Variants in ADAT1 observed in about 807,000 individuals in gnomAD.
The protein encoded by ADAT1 is tRNA-specific adenosine deaminase 1.
In ADAT1, 58 loss-of-function variants were observed where a neutral mutation model predicts 58.6. The observed-to-expected ratio is 0.99, with a 90% confidence interval of 0.80 to 1.23. ADAT1 has a LOEUF of 1.23. Ranked by LOEUF, ADAT1 falls within the 50% of genes most tolerant of loss-of-function variation. ADAT1 has a pLI of 0.00. For missense variants in ADAT1, 741 were observed against 608.6 expected (o/e 1.22, Z -2.29); for synonymous variants, 254 against 220.8 (o/e 1.15, Z -1.33).
rs1335104721 is a variant in ADAT1 at position 75,597,350 on chromosome 16, A to AT, written c.*2865dup. 1 of 451,230 alleles carries AT rather than the reference A, an allele frequency of 2.2e-6. No individual in the cohort carries two copies. The highest frequency in any genetic ancestry group is 4.4e-6 in the Non-Finnish European group (1 of 224,808). 28.0% of individuals were successfully genotyped at this position (451,230 alleles called of 1,614,324 possible). ...GAAGACGGAGGGAGAAACTGAAGTG[A>AT]TGCAGCCACAAGCCAAGGACTGCCA... On this transcript the variant is annotated 3_prime_UTR_variant, in exon 10 of 10. Transcript: ENST00000564657.
Position 75,599,914 on chromosome 16 carries a change from G to T in ADAT1, c.*302C>A. The T allele has an allele frequency of 1.8e-6, 2 of 1,098,222 alleles. No homozygotes were observed. Among genetic ancestry groups the T allele is most frequent in the Non-Finnish European group, 2.2e-6 (2 of 901,070 alleles). 68.0% of individuals were successfully genotyped at this position (1,098,222 alleles called of 1,614,324 possible). A position where few individuals can be genotyped will look rare whatever the true frequency, so the allele number is the denominator to read the frequency against. On this transcript the variant is annotated 3_prime_UTR_variant, in exon 10 of 10. Transcript: ENST00000564657. ...TCAATGTAGGAACCCATAAAACAGA[G>T]CTGCTGCAGAGTACTTTCAAAGCAT...
At chr16:75,607,374 T>C (rs2081398780) in intron 8 of ADAT1, among the ~76,000 whole-genome samples, 1 of 151,778 alleles carries the variant, frequency 6.6e-6, no homozygotes, top group Non-Finnish European at 1.5e-5. Flanking sequence ...TGGTAGAACA[T>C]GCCTACAGTC....
intron 5 of ADAT1, among the ~76,000 whole-genome samples, chr16:75,616,356 A>G (rs985565245): frequency 1.3e-5 from 2 of 148,794 alleles, no homozygotes; most frequent in Non-Finnish European, 3.0e-5. Flanking sequence ...GTTATGATCA[A>G]ATCTACACAG....
Position 75,618,570 on chromosome 16 carries a change from G to A in ADAT1, c.293+16C>T. On this transcript the variant is annotated intron_variant, in intron 4 of 9. Transcript: ENST00000564657. Reference sequence around the variant, plus strand: ...CCCCAGTCCTGCTGAACCATACTCTGGAGATGTGGCTTTACCTTTGGAAAC... The same window carrying A: ...CCCCAGTCCTGCTGAACCATACTCTAGAGATGTGGCTTTACCTTTGGAAAC... The A allele has an allele frequency of 1.9e-6, 3 of 1,564,644 alleles. No homozygotes were observed. The highest frequency in any genetic ancestry group is 1.4e-5 in the African/African-American group (1 of 72,744).
intron 7 of ADAT1, 121 bp downstream of exon 7, chr16:75,608,722 C>T: frequency 7.9e-7 from 1 of 1,264,128 alleles, no homozygotes; most frequent in Non-Finnish European, 1.1e-6. Context: ...CTCTAAAGCC[C>T]ACACTACCGG....
chr16:75,613,742 G>T (rs1277355532), intron 5 of ADAT1, among the ~76,000 whole-genome samples: 1 of 152,176 alleles, frequency 6.6e-6, no homozygotes, highest in Admixed American at 6.5e-5. Flanking sequence ...TGAAAATAAA[G>T]AATGTCTCCA....
rs747385690 is a variant in ADAT1 at position 75,612,473 on chromosome 16, G to A, written c.813C>T (p.Ser271=). ...GGTGAAACGCAGCACCCGGCTTTCC[G>A]GAGTCTCCAGCTTCTCCAGGTACAC... ...AKCVPGEAGD[S]GKPGAAFHQV... The change falls in exon 6 of 10, where the codon TCC becomes TCT. Residue 271 remains serine, a synonymous_variant. Transcript: ENST00000564657. 2.2e-5 allele frequency: 35 copies of A among 1,614,052 alleles called. No individual in the cohort carries two copies. Among genetic ancestry groups the A allele is most frequent in the South Asian group, 1.2e-4 (11 of 91,086 alleles).
At chr16:75,619,695 GA>G in intron 3 of ADAT1, 1 of 441,674 alleles carries the variant, frequency 2.3e-6, no homozygotes, top group Non-Finnish European at 4.6e-6. Context: ...CAGATCACCT[GA>G]GGTCAGGAGT....
chr16:75,597,045 T>C lies in ADAT1; in HGVS notation c.*3171A>G, dbSNP rs868724362. The C allele has an allele frequency of 1.8e-4, 28 of 154,758 alleles. No homozygotes were observed. The highest frequency in any genetic ancestry group is 6.0e-4 in the African/African-American group (25 of 41,620). The allele number at this position is 154,758 out of a possible 1,614,324, so 9.6% of individuals were successfully genotyped here. A position where few individuals can be genotyped will look rare whatever the true frequency, so the allele number is the denominator to read the frequency against. ...TCCAAACAGACAGAAAGTAGATTACTGATTGCCCTGGGGTAGGGGGCGTTG... is the reference window on the plus strand; with the variant it reads ...TCCAAACAGACAGAAAGTAGATTACCGATTGCCCTGGGGTAGGGGGCGTTG... On this transcript the variant is annotated 3_prime_UTR_variant, in exon 10 of 10. Transcript: ENST00000564657.
chr16:75,620,365 T>G (rs1190987209), intron 2 of ADAT1, 31 bp from the exon 3 acceptor site: 4 of 1,610,968 alleles, frequency 2.5e-6, no homozygotes, highest in Admixed American at 3.3e-5. Context: ...GTGTGAGTTC[T>G]GAGAAACGGA....
intron 6 of ADAT1, among the ~76,000 whole-genome samples, chr16:75,609,857 T>A (rs904885175): frequency 1.3e-5 from 2 of 151,688 alleles, no homozygotes; most frequent in Non-Finnish European, 2.9e-5. Flanking sequence ...GCATGCACCA[T>A]CATGTCCGAC....
At chr16:75,617,368 C>G (rs972223190) in intron 4 of ADAT1, 96 bp from the exon 5 acceptor site, 10 of 1,340,740 alleles carry the variant, frequency 7.5e-6, no homozygotes, top group Non-Finnish European at 8.3e-6. Flanking sequence ...TTACTGTAGA[C>G]TAATGGGACT....
chr16:75,606,558 G>C (rs1014884114), intron 8 of ADAT1, among the ~76,000 whole-genome samples: 1 of 152,170 alleles, frequency 6.6e-6, no homozygotes, highest in Admixed American at 6.5e-5. Context: ...ATAAGGAACT[G>C]AAGCCTCCTG....
intron 9 of ADAT1, 27 bp from the exon 10 acceptor site, chr16:75,600,375 C>G (rs769261760): frequency 6.2e-7 from 1 of 1,611,326 alleles, no homozygotes; most frequent in East Asian, 2.2e-5. Context: ...ACCAAATACA[C>G]AGGTTCTCAT....
In ADAT1 at chr16:75,620,624, G is replaced by A. The variant is rs202243354; in HGVS notation, c.169+7C>T. 4 of 1,612,176 alleles carry A rather than the reference G, an allele frequency of 2.5e-6. No homozygotes were observed. In the African/African-American group the frequency reaches 4.0e-5, roughly 16 times the overall value. ...GTGAGGAGCATGCCAAGAAGAAAAAGTCTCACCTTGCACCGGCTTATCAGG... is the reference window on the plus strand; with the variant it reads ...GTGAGGAGCATGCCAAGAAGAAAAAATCTCACCTTGCACCGGCTTATCAGG... On this transcript the variant is annotated splice_region_variant and intron_variant, in intron 2 of 9. Coordinates refer to ENST00000564657, the MANE Select transcript of ADAT1 (RefSeq NM_001324445.2).
At position 75,598,167 on chromosome 16, in the gene ADAT1, C is replaced by A; in HGVS notation, c.*2049G>T. 1 of 228,580 alleles carries A rather than the reference C, an allele frequency of 4.4e-6. No homozygotes were observed. Among genetic ancestry groups the A allele is most frequent in the Non-Finnish European group, 9.2e-6 (1 of 108,640 alleles). 14.2% of individuals were successfully genotyped at this position (228,580 alleles called of 1,614,324 possible). ...TCCTGGCTCACTGCAACCTCCACCT[C>A]CTGGGTTTGAGAGATTCTTCTGCCT... On this transcript the variant is annotated 3_prime_UTR_variant, in exon 10 of 10. Transcript: ENST00000564657.
In ADAT1 at chr16:75,600,367, C is replaced by G. The variant is rs1166918509; in HGVS notation, c.1377-19G>C. 1.9e-6 allele frequency: 3 copies of G among 1,612,464 alleles called. No individual in the cohort carries two copies. The highest frequency in any genetic ancestry group is 2.2e-5 in the South Asian group (2 of 90,978). On this transcript the variant is annotated intron_variant, in intron 9 of 9. Transcript: ENST00000564657. ...CTGCACCCTAATGCACACAGGCCAC[C>G]AAATACACAGGTTCTCATTGAATAG...
At chr16:75,618,539 C>A in intron 4 of ADAT1, 47 bp downstream of exon 4, 4 of 1,298,228 alleles carry the variant, frequency 3.1e-6, no homozygotes, top group South Asian at 1.4e-5. Flanking sequence ...AATTCCGGGA[C>A]TCCCACCCCA....
intron 4 of ADAT1, among the ~76,000 whole-genome samples, chr16:75,617,963 G>C (rs2081790049): frequency 6.6e-6 from 1 of 150,932 alleles, no homozygotes; most frequent in Non-Finnish European, 1.5e-5. Flanking sequence ...TGGGTGTGGT[G>C]GCATGCGCCT....
Sources: allele counts gnomAD v4.1 joint callset (sites outside exome capture counted in the v4.1 genomes callset), GRCh38; gene constraint gnomAD v4.1.1; transcripts MANE v1.5; gene names NCBI Gene and HGNC (gene_info 2026-07-23, HGNC 2026-07-21).